The following CHRM3 variants were observed in gnomAD, a reference collection of about 807,000 sequenced individuals.
CHRM3 encodes the protein cholinergic receptor muscarinic 3.
CHRM3 carries 11 observed loss-of-function variants against 41.8 expected under a neutral mutation model. The ratio of observed to expected loss-of-function variants is 0.26; its 90% CI spans 0.17 to 0.44. The LOEUF is 0.44. CHRM3 is among the 20% of genes least tolerant of loss of function. The pLI, the probability that CHRM3 is intolerant of heterozygous loss-of-function variation, is 1.00. For missense variants in CHRM3, 571 were observed against 745.4 expected (o/e 0.77, Z 2.72); for synonymous variants, 297 against 301.4 (o/e 0.99, Z 0.15).
At chr1:239,477,508 G>A (rs1179743950) in intron 1 of CHRM3, among the ~76,000 whole-genome samples, 1 of 152,172 alleles carries the variant, frequency 6.6e-6, no homozygotes, top group African/African-American at 2.4e-5. Context: ...TCTCAGAGAA[G>A]CAGCAAGAGA....
At chr1:239,860,307 A>T (rs1353412733) in intron 6 of CHRM3, among the ~76,000 whole-genome samples, 1 of 152,192 alleles carries the variant, frequency 6.6e-6, no homozygotes, top group Non-Finnish European at 1.5e-5. Context: ...TAAGCTATAA[A>T]AGTACTATAC....
chr1:239,749,829 G>A (rs1445498029), intron 5 of CHRM3, among the ~76,000 whole-genome samples: 1 of 152,074 alleles, frequency 6.6e-6, no homozygotes, highest in Non-Finnish European at 1.5e-5. Context: ...ATTTAAGTAG[G>A]GTATTCTGAC....
chr1:239,707,006 A>G (rs1661254029), intron 5 of CHRM3: 1 of 152,228 alleles, frequency 6.6e-6, no homozygotes, highest in Admixed American at 6.5e-5. Flanking sequence ...AAGGCAATGT[A>G]TGGTAGTAGA....
At chr1:239,746,611 C>A (rs1281069866) in intron 5 of CHRM3, among the ~76,000 whole-genome samples, 3 of 152,150 alleles carry the variant, frequency 2.0e-5, no homozygotes, top group Admixed American at 2.0e-4. Flanking sequence ...AATGTCAACT[C>A]TCTTTCTGTC....
At chr1:239,557,186 T>C (rs1425060365) in intron 3 of CHRM3, among the ~76,000 whole-genome samples, 1 of 152,144 alleles carries the variant, frequency 6.6e-6, no homozygotes, top group African/African-American at 2.4e-5. Flanking sequence ...CACCTCTACT[T>C]CTGTGCTCAG....
intron 6 of CHRM3, among the ~76,000 whole-genome samples, chr1:239,861,151 T>C (rs1444927271): frequency 6.6e-6 from 1 of 152,138 alleles, no homozygotes; most frequent in Non-Finnish European, 1.5e-5. Flanking sequence ...TGTTAGACCC[T>C]AGGGATTTGA....
intron 1 of CHRM3, among the ~76,000 whole-genome samples, chr1:239,396,596 A>T (rs1050724701): frequency 6.6e-6 from 1 of 152,194 alleles, no homozygotes; most frequent in African/African-American, 2.4e-5. Context: ...CCTGGGCAAC[A>T]GAACAAGATC....
intron 2 of CHRM3, among the ~76,000 whole-genome samples, chr1:239,497,352 CG>C (rs1390755345): frequency 6.6e-6 from 1 of 152,048 alleles, no homozygotes; most frequent in African/African-American, 2.4e-5. Context: ...CAGAGGGTGA[CG>C]GGGCAGCACA....
At chr1:239,406,180 G>A (rs542942658) in intron 1 of CHRM3, among the ~76,000 whole-genome samples, 6 of 152,196 alleles carry the variant, frequency 3.9e-5, no homozygotes, top group Non-Finnish European at 5.9e-5. Context: ...GTGAGCCACC[G>A]TGCCTGGCTG....
chr1:239,696,082 G>A (rs761463547), intron 5 of CHRM3, among the ~76,000 whole-genome samples: 3 of 152,096 alleles, frequency 2.0e-5, no homozygotes, highest in Non-Finnish European at 4.4e-5. Flanking sequence ...GCTTGAAGTC[G>A]TAAGACATGA....
In CHRM3 at chr1:239,593,885, C is replaced by T. The variant is rs540356803; in HGVS notation, c.-312-38339C>T. Among the ~76,000 whole-genome samples, 13 of 152,186 alleles carry T rather than the reference C, an allele frequency of 8.5e-5. No individual in the cohort carries two copies. The South Asian group carries it at 2.5e-3, about 29-fold the overall frequency. ...ATTAAACCCTGATGTTCAAATCCAC[C>T]GATAAGCAAGTTCATCATTTACTGT... On this transcript the variant is annotated intron_variant, in intron 3 of 6. Coordinates refer to ENST00000676153, the MANE Select transcript of CHRM3 (RefSeq NM_001375978.1).
chr1:239,908,591 C>T lies in CHRM3; in HGVS notation c.1140C>T (p.Ser380=). The T allele has an allele frequency of 6.3e-7, 1 of 1,599,722 alleles. No homozygotes were observed. Among genetic ancestry groups the T allele is most frequent in the South Asian group, 1.1e-5 (1 of 88,380 alleles). ...KLPGHSTILN[S]TKLPSSDNLQ... ...CGGGTCACAGCACCATCCTCAACTC[C>T]ACCAAGTTACCCTCATCGGACAACC... Residue 380 remains serine (S), a synonymous_variant, in exon 7 of 7, where the codon TCC becomes TCT. Transcript: ENST00000676153. The surrounding 1 kb of genome is among the most constrained non-coding windows in gnomAD (Gnocchi z 7.2).
intron 5 of CHRM3, among the ~76,000 whole-genome samples, chr1:239,714,515 G>T (rs1662143131): frequency 6.6e-6 from 1 of 152,162 alleles, no homozygotes; most frequent in Non-Finnish European, 1.5e-5. Context: ...AAGACAGCTT[G>T]TGCCAAGGCC....
rs1042198722 is a variant in CHRM3, at chr1:239,910,004, T to C, written c.*780T>C. On this transcript the variant is annotated 3_prime_UTR_variant, in exon 7 of 7. Coordinates refer to ENST00000676153, the MANE Select transcript of CHRM3 (RefSeq NM_001375978.1). ...TTAACGTGAAATAAGCCCAGTGTAA[T>C]GTTTTTGAAACCAGGGCTGTTTTCC... The C allele has an allele frequency of 3.6e-5, 6 of 167,142 alleles. No individual in the cohort carries two copies. The highest frequency in any genetic ancestry group is 2.1e-4 in the South Asian group (1 of 4,824). 10.4% of individuals were successfully genotyped at this position (167,142 alleles called of 1,614,324 possible).
intron 1 of CHRM3, among the ~76,000 whole-genome samples, chr1:239,438,378 T>C (rs1194513353): frequency 6.6e-6 from 1 of 152,090 alleles, no homozygotes; most frequent in Admixed American, 6.6e-5. Context: ...GAAAGTGGGG[T>C]TACACTTTAT....
intron 4 of CHRM3, among the ~76,000 whole-genome samples, chr1:239,672,634 A>G (rs1373253990): frequency 6.6e-6 from 1 of 152,004 alleles, no homozygotes; most frequent in African/African-American, 2.4e-5. Flanking sequence ...ACACACAGAA[A>G]GGGGTAGGGG....
chr1:239,486,958 C>G (rs1286234179), intron 1 of CHRM3, among the ~76,000 whole-genome samples: 1 of 152,208 alleles, frequency 6.6e-6, no homozygotes, highest in Non-Finnish European at 1.5e-5. Context: ...ACCATTTGCT[C>G]TATGTCACTG....
At chr1:239,890,694 A>G (rs753554640) in intron 6 of CHRM3, among the ~76,000 whole-genome samples, 3 of 152,204 alleles carry the variant, frequency 2.0e-5, no homozygotes, top group Non-Finnish European at 4.4e-5. Flanking sequence ...AGCATGTTGT[A>G]TATGCTATGT....
chr1:239,671,071 A>G (rs923547205), intron 4 of CHRM3, among the ~76,000 whole-genome samples: 4 of 152,102 alleles, frequency 2.6e-5, no homozygotes, highest in Admixed American at 2.6e-4. Flanking sequence ...TAGATGTATT[A>G]TGTTGTTCTA....
Sources: allele counts gnomAD v4.1 joint callset (sites outside exome capture counted in the v4.1 genomes callset), GRCh38; gene constraint gnomAD v4.1.1; non-coding constraint Gnocchi (gnomAD v3.1); transcripts MANE v1.5; gene names NCBI Gene and HGNC (gene_info 2026-07-23, HGNC 2026-07-21).